Variants in MARCHF11 observed in about 807,000 individuals in gnomAD.
MARCHF11 encodes the protein E3 ubiquitin-protein ligase MARCHF11.
A neutral mutation model predicts 37.3 loss-of-function variants in MARCHF11; 29 were observed. The ratio of observed to expected loss-of-function variants is 0.78; its 90% CI spans 0.58 to 1.06. MARCHF11 has a LOEUF of 1.06. MARCHF11 is among the 50% of genes least tolerant of loss of function. The pLI, the probability that MARCHF11 is intolerant of heterozygous loss-of-function variation, is 0.00. For missense variants in MARCHF11, 482 were observed against 533.4 expected (o/e 0.90, Z 0.95); for synonymous variants, 233 against 228.0 (o/e 1.02, Z -0.20).
At chr5:16,113,437 A>G (rs1002434484) in intron 2 of MARCHF11, among the ~76,000 whole-genome samples, 1 of 152,204 alleles carries the variant, frequency 6.6e-6, no homozygotes, top group African/African-American at 2.4e-5. Context: ...AAGAGACTCA[A>G]TGTTATTATT....
intron 3 of MARCHF11, among the ~76,000 whole-genome samples, chr5:16,080,554 G>A (rs536254457): frequency 5.3e-5 from 8 of 152,244 alleles, no homozygotes; most frequent in South Asian, 2.1e-4. Flanking sequence ...CACTCAGAAT[G>A]AGCCTATGAC....
chr5:16,157,865 C>A (rs1178485097), intron 2 of MARCHF11, among the ~76,000 whole-genome samples: 5 of 151,796 alleles, frequency 3.3e-5, no homozygotes, highest in African/African-American at 4.8e-5. Context: ...CTTTGCACAG[C>A]AAAGTAAACA....
chr5:16,109,141 C>CA (rs1553995420), intron 2 of MARCHF11, among the ~76,000 whole-genome samples: 39 of 151,114 alleles, frequency 2.6e-4, no homozygotes, highest in African/African-American at 9.3e-4. Context: ...CACACACACA[C>CA]GTTTGGTCTT....
intron 2 of MARCHF11, among the ~76,000 whole-genome samples, chr5:16,136,649 C>T (rs1168080113): frequency 6.6e-6 from 1 of 152,044 alleles, no homozygotes; most frequent in Non-Finnish European, 1.5e-5. Flanking sequence ...TGGAGGTACA[C>T]AGGAAGAGAA....
At chr5:16,120,530 T>C (rs1737293044) in intron 2 of MARCHF11, among the ~76,000 whole-genome samples, 1 of 152,246 alleles carries the variant, frequency 6.6e-6, no homozygotes, top group African/African-American at 2.4e-5. Flanking sequence ...TTCCAACTTA[T>C]ATTTACAATG....
chr5:16,084,240 CCAACTGGTAATT>C (rs1161649181), intron 3 of MARCHF11, among the ~76,000 whole-genome samples: 1 of 152,142 alleles, frequency 6.6e-6, no homozygotes, highest in Non-Finnish European at 1.5e-5. Flanking sequence ...GAATGTATTA[CCAACTGGTAATT>C]CAAAGTAGTT....
chr5:16,099,254 T>A (rs1227101041), intron 2 of MARCHF11, among the ~76,000 whole-genome samples: 1 of 152,204 alleles, frequency 6.6e-6, no homozygotes, highest in Non-Finnish European at 1.5e-5. Context: ...ATGACAACTA[T>A]GAATCAGGTC....
intron 2 of MARCHF11, among the ~76,000 whole-genome samples, chr5:16,168,075 A>G (rs1250627004): frequency 6.6e-6 from 1 of 152,116 alleles, no homozygotes; most frequent in Non-Finnish European, 1.5e-5. Context: ...TCATCACTTC[A>G]TACTGGAATT....
At chr5:16,077,210 G>A (rs535830195) in intron 3 of MARCHF11, among the ~76,000 whole-genome samples, 1 of 152,240 alleles carries the variant, frequency 6.6e-6, no homozygotes, top group African/African-American at 2.4e-5. Context: ...CCACACTCTA[G>A]TATATGGACT....
At chr5:16,104,316 G>A (rs1009913241) in intron 2 of MARCHF11, among the ~76,000 whole-genome samples, 1 of 151,876 alleles carries the variant, frequency 6.6e-6, no homozygotes, top group African/African-American at 2.4e-5. Flanking sequence ...AACTAACTTG[G>A]GAATTCTGTA....
intron 2 of MARCHF11, among the ~76,000 whole-genome samples, chr5:16,116,754 T>C (rs1019154118): frequency 1.6e-4 from 24 of 152,122 alleles, no homozygotes; most frequent in Admixed American, 5.9e-4. Context: ...TGCATAAAAA[T>C]ATCTAAACCT....
chr5:16,166,246 ACTAT>A (rs1738166715), intron 2 of MARCHF11, among the ~76,000 whole-genome samples: 3 of 151,842 alleles, frequency 2.0e-5, no homozygotes, highest in Admixed American at 6.6e-5. Context: ...ATTGCATGTG[ACTAT>A]TTTTTTAATT....
intron 2 of MARCHF11, among the ~76,000 whole-genome samples, chr5:16,169,413 T>A (rs1443395675): frequency 1.3e-5 from 2 of 152,086 alleles, no homozygotes; most frequent in Non-Finnish European, 2.9e-5. Flanking sequence ...ATTGTACAGG[T>A]GTCATCAATA....
At chr5:16,165,064 C>A (rs1738146604) in intron 2 of MARCHF11, among the ~76,000 whole-genome samples, 1 of 152,054 alleles carries the variant, frequency 6.6e-6, no homozygotes, top group African/African-American at 2.4e-5. Context: ...TTTATTCCCT[C>A]AAACACTCAG....
intron 3 of MARCHF11, among the ~76,000 whole-genome samples, chr5:16,072,778 G>A (rs1188795167): frequency 2.0e-5 from 3 of 152,088 alleles, no homozygotes; most frequent in Non-Finnish European, 4.4e-5. Flanking sequence ...CTGGGGGTGA[G>A]TGTGGCTTCC....
intron 2 of MARCHF11, among the ~76,000 whole-genome samples, chr5:16,146,852 C>G (rs1579411346): frequency 6.6e-6 from 1 of 152,212 alleles, no homozygotes; most frequent in South Asian, 2.1e-4. Context: ...GAAAGAACAA[C>G]TCTTTTCTTC....
chr5:16,107,162 C>T lies in MARCHF11; in HGVS notation c.694-16081G>A, dbSNP rs1006544999. 3.9e-5 allele frequency among the ~76,000 whole-genome samples: 6 copies of T among 152,160 alleles called. No homozygotes were observed. The East Asian group carries it at 7.7e-4, about 20-fold the overall frequency. ...ACAGAAAAATGAAGATGACAGTATC[C>T]ACATAACAGCTGAACCACCTTATAA... is the stretch of plus-strand genomic sequence containing the variant. On this transcript the variant is annotated intron_variant, in intron 2 of 3. Transcript: ENST00000332432.
At chr5:16,133,400 G>A (rs77876698) in intron 2 of MARCHF11, among the ~76,000 whole-genome samples, 7,341 of 152,186 alleles carry the variant, frequency 0.048, 175 homozygotes, top group East Asian at 0.11. Flanking sequence ...TGCCCAAAAT[G>A]CAAGAGATCT....
intron 2 of MARCHF11, among the ~76,000 whole-genome samples, chr5:16,165,079 T>G (rs1738146987): frequency 6.6e-6 from 1 of 152,060 alleles, no homozygotes; most frequent in African/African-American, 2.4e-5. Flanking sequence ...ACTCAGTCCC[T>G]TCCCTGCTTA....
Sources: allele counts gnomAD v4.1 joint callset (sites outside exome capture counted in the v4.1 genomes callset), GRCh38; gene constraint gnomAD v4.1.1; transcripts MANE v1.5; gene names NCBI Gene and HGNC (gene_info 2026-07-23, HGNC 2026-07-21).